The following XPO4 variants were observed in gnomAD, a reference collection of about 807,000 sequenced individuals.
The protein encoded by XPO4 is exportin-4.
XPO4 carries 39 observed loss-of-function variants against 143.0 expected under a neutral mutation model. That is an observed-to-expected ratio of 0.27 (90% confidence interval 0.21 to 0.36). XPO4 has a LOEUF of 0.36. Among genes scored for constraint, XPO4 ranks in the 10% least tolerant of loss-of-function variants. The pLI is 1.00. For missense variants in XPO4, 907 were observed against 1,348.0 expected, an observed-to-expected ratio of 0.67 and a Z score of 5.12; for synonymous variants, 439 against 474.0, an observed-to-expected ratio of 0.93 and a Z score of 0.96.
intron 1 of XPO4, among the ~76,000 whole-genome samples, chr13:20,871,354 C>G (rs2060296442): frequency 6.6e-6 from 1 of 152,122 alleles, no homozygotes; most frequent in African/African-American, 2.4e-5. Flanking sequence ...GAGTGTCACT[C>G]TGTCGTCCAG....
chr13:20,800,052 G>C (rs2059411768), intron 15 of XPO4, 104 bp downstream of exon 15: 5 of 1,301,070 alleles, frequency 3.8e-6, no homozygotes, highest in Non-Finnish European at 4.1e-6. Context: ...CTGGAATTAG[G>C]ACCGTGTAAC....
At chr13:20,786,052 G>C (rs1158782673) in intron 22 of XPO4, among the ~76,000 whole-genome samples, 1 of 152,050 alleles carries the variant, frequency 6.6e-6, no homozygotes, top group Non-Finnish European at 1.5e-5. Flanking sequence ...TAAGCAACAA[G>C]TAAGACAAAT....
At chr13:20,896,819 T>C (rs1367570507) in intron 1 of XPO4, among the ~76,000 whole-genome samples, 1 of 152,222 alleles carries the variant, frequency 6.6e-6, no homozygotes, top group Non-Finnish European at 1.5e-5. Context: ...TAATACATGG[T>C]TTCAGATAAC....
rs1038283265 is a variant in XPO4, at chr13:20,845,922, T to G, written c.457-2036A>C. 5.9e-5 allele frequency among the ~76,000 whole-genome samples: 9 copies of G among 152,206 alleles called. No homozygotes were observed. In the South Asian group the frequency reaches 1.9e-3, roughly 31 times the overall value. ...TGACACTTAGCTTTTCACTTATCCT[T>G]TCTAAGACTCTAGTCAATAAAACAT... On this transcript the variant is annotated intron_variant, in intron 4 of 22. Transcript: ENST00000255305.
At chr13:20,849,454 TTAAA>T in intron 4 of XPO4, 2 of 984,080 alleles carry the variant, frequency 2.0e-6, no homozygotes, top group Non-Finnish European at 2.4e-6. Context: ...AATTATATGT[TTAAA>T]TACAGATTAA....
At chr13:20,850,571 C>G (rs1327218078) in intron 4 of XPO4, among the ~76,000 whole-genome samples, 7 of 152,052 alleles carry the variant, frequency 4.6e-5, no homozygotes. Context: ...TCAAGATAAC[C>G]TGGGCAACAT....
intron 4 of XPO4, chr13:20,851,676 C>T (rs1171387266): frequency 2.4e-6 from 2 of 819,050 alleles, no homozygotes; most frequent in Admixed American, 6.7e-5. Context: ...CACCATTGCC[C>T]TCCAGCCGAG....
At position 20,809,800 on chromosome 13, in the gene XPO4, T is replaced by A. The variant is rs1483914494; in HGVS notation, c.1341A>T (p.Thr447=). The stretch of plus-strand genomic sequence containing the variant: ...CTTGCTTAAAACTCACCAAATTTCT[T>A]GTGCCATCTGGAGCAGCTAGGTGGC... The part of the protein sequence containing the change: ...IQCHLAAPDG[T]RNLTANGVAS... Residue 447 remains threonine (T), a synonymous_variant, in exon 10 of 23, where the codon ACA becomes ACT. Transcript: ENST00000255305. 2.5e-6 allele frequency: 4 copies of A among 1,606,026 alleles called. No homozygotes were observed. Among genetic ancestry groups the A allele is most frequent in the East Asian group, 2.2e-5 (1 of 44,840 alleles).
intron 3 of XPO4, among the ~76,000 whole-genome samples, chr13:20,858,204 G>T (rs2060162539): frequency 6.6e-6 from 1 of 151,498 alleles, no homozygotes; most frequent in African/African-American, 2.4e-5. Context: ...AATATTAATA[G>T]ATCTGAAGTG....
At chr13:20,835,416 G>A (rs2059904063) in intron 6 of XPO4, among the ~76,000 whole-genome samples, 1 of 152,110 alleles carries the variant, frequency 6.6e-6, no homozygotes, top group Admixed American at 6.5e-5. Flanking sequence ...GACAAAGCTG[G>A]TCAAATCAGC....
At chr13:20,798,404 C>T (rs1284490571) in intron 16 of XPO4, among the ~76,000 whole-genome samples, 2 of 152,078 alleles carry the variant, frequency 1.3e-5, no homozygotes, top group African/African-American at 2.4e-5. Flanking sequence ...CCCATGGACA[C>T]CTTATAGCTT....
In XPO4 at chr13:20,788,558, G is replaced by A; in HGVS notation, c.2975C>T (p.Pro992Leu). 2 of 1,612,328 alleles carry A rather than the reference G, an allele frequency of 1.2e-6. No homozygotes were observed. Among genetic ancestry groups the A allele is most frequent in the South Asian group, 1.1e-5 (1 of 90,752 alleles). ...CTCAGGAAGCTGTGGTATTTTTTCAGGAAAAATCTCACAGATAAATGTGAT... is the reference window on the plus strand; with the variant it reads ...CTCAGGAAGCTGTGGTATTTTTTCAAGAAAAATCTCACAGATAAATGTGAT... ...KLITFICEIF[P>L]EKIPQLPEDL... The change falls in exon 20 of 23, where the codon CCT (proline) becomes CTT (leucine). Residue 992 changes from proline to leucine, a missense_variant. By Grantham distance (98) the Pro-to-Leu change is moderately conservative. Coordinates refer to ENST00000255305, the MANE Select transcript of XPO4 (RefSeq NM_022459.5).
intron 18 of XPO4, among the ~76,000 whole-genome samples, chr13:20,792,742 A>AAG (rs1488824389): frequency 1.3e-5 from 2 of 150,602 alleles, no homozygotes; most frequent in African/African-American, 4.9e-5. Context: ...AAAAAAAAAA[A>AAG]AGTCAGATGC....
chr13:20,820,797 C>A (rs1486140508), intron 9 of XPO4, among the ~76,000 whole-genome samples: 1 of 152,162 alleles, frequency 6.6e-6, no homozygotes, highest in African/African-American at 2.4e-5. Flanking sequence ...TCTCTGAACA[C>A]CTCTGAAGGG....
Position 20,777,605 on chromosome 13 carries a change from T to A in XPO4, c.*6117A>T, listed in dbSNP as rs972504810. 1 of 152,186 alleles carries A rather than the reference T, an allele frequency of 6.6e-6. No homozygotes were observed. Among genetic ancestry groups the A allele is most frequent in the African/African-American group, 2.4e-5 (1 of 41,434 alleles). 9.4% of individuals were successfully genotyped at this position (152,186 alleles called of 1,614,324 possible). A position where few individuals can be genotyped will look rare whatever the true frequency, so the allele number is the denominator to read the frequency against. ...TATAAACAGGTGTACAAATAAGAAG[T>A]TCTACTACTCAATACATCTTGGGCT... is the stretch of plus-strand genomic sequence containing the variant. On this transcript the variant is annotated 3_prime_UTR_variant, in exon 23 of 23. Coordinates refer to ENST00000255305, the MANE Select transcript of XPO4 (RefSeq NM_022459.5).
chr13:20,862,720 G>A lies in XPO4; in HGVS notation c.314C>T (p.Pro105Leu). The A allele has an allele frequency of 6.2e-7, 1 of 1,613,974 alleles. No individual in the cohort carries two copies. Among genetic ancestry groups the A allele is most frequent in the South Asian group, 1.1e-5 (1 of 91,066 alleles). The change falls in exon 3 of 23, where the codon CCC becomes CTC. Residue 105 changes from proline to leucine, a missense_variant. Pro to Leu is a moderately conservative substitution (Grantham distance 98, BLOSUM62 -3). Transcript: ENST00000255305. Reference protein sequence around the residue: ...TFLLTYVLQRPNLQKYVREQI... With the variant: ...TFLLTYVLQRLNLQKYVREQI... ...CAGTCCCCCTCCATGTACTTACTTG[G>A]GCCTTTGTAAGACATAGGTTAAAAG...
At chr13:20,862,113 A>G (rs2060206722) in intron 3 of XPO4, among the ~76,000 whole-genome samples, 1 of 152,100 alleles carries the variant, frequency 6.6e-6, no homozygotes, top group Non-Finnish European at 1.5e-5. Context: ...ATGTACACAT[A>G]TATGTAACAT....
intron 1 of XPO4, among the ~76,000 whole-genome samples, chr13:20,874,659 T>G (rs765651918): frequency 3.3e-5 from 5 of 152,330 alleles, no homozygotes; most frequent in Non-Finnish European, 5.9e-5. Flanking sequence ...GCCGGCACCA[T>G]GCTCTTGGAC....
chr13:20,856,332 C>T (rs2138103292), intron 3 of XPO4: 1 of 985,324 alleles, frequency 1.0e-6, no homozygotes, highest in Non-Finnish European at 1.2e-6. Context: ...CACACACAAA[C>T]ATTCAAAATG....
Sources: allele counts gnomAD v4.1 joint callset (sites outside exome capture counted in the v4.1 genomes callset), GRCh38; gene constraint gnomAD v4.1.1; transcripts MANE v1.5; gene names NCBI Gene and HGNC (gene_info 2026-07-23, HGNC 2026-07-21).